The following CEP112 variants were observed in gnomAD, a reference collection of about 807,000 sequenced individuals.
The protein encoded by CEP112 is centrosomal protein 112.
Under a neutral mutation model 153.0 loss-of-function variants are expected in CEP112, and 127 were observed. The observed-to-expected ratio is 0.83, with a 90% CI of 0.72 to 0.96. The LOEUF is 0.96. Among genes scored for constraint, CEP112 ranks in the 40% least tolerant of loss-of-function variants. CEP112 has a pLI of 0.00. For synonymous variants in CEP112, 358 were observed against 374.4 expected (o/e 0.96, Z 0.51); for missense variants, 1,089 against 1,101.2 (o/e 0.99, Z 0.16).
At chr17:66,029,093 A>C (rs1411748588) in intron 14 of CEP112, 30 bp downstream of exon 14, 1 of 1,532,484 alleles carries the variant, frequency 6.5e-7, no homozygotes. Flanking sequence ...TAAATACTTC[A>C]TGTGGATTAT....
intron 24 of CEP112, among the ~76,000 whole-genome samples, chr17:65,643,261 G>A (rs1453698760): frequency 6.6e-6 from 1 of 152,014 alleles, no homozygotes; most frequent in Non-Finnish European, 1.5e-5. Flanking sequence ...AAGTACTGCT[G>A]CACGCCCTGG....
chr17:66,073,162 T>C (rs1174492319), intron 8 of CEP112, among the ~76,000 whole-genome samples: 2 of 152,184 alleles, frequency 1.3e-5, no homozygotes, highest in Non-Finnish European at 2.9e-5. Flanking sequence ...TGAAGCAGGG[T>C]ACCACACTAA....
chr17:66,137,539 C>G (rs938365424), intron 4 of CEP112, among the ~76,000 whole-genome samples: 3 of 151,782 alleles, frequency 2.0e-5, no homozygotes, highest in Non-Finnish European at 4.4e-5. Context: ...TGCCAAAAGT[C>G]AAAGACAAAG....
At chr17:65,957,579 C>A (rs1016394585) in intron 18 of CEP112, among the ~76,000 whole-genome samples, 1 of 151,834 alleles carries the variant, frequency 6.6e-6, no homozygotes, top group Non-Finnish European at 1.5e-5. Context: ...TTTGTGTTAA[C>A]TTTATTTTAG....
At chr17:65,788,859 T>A (rs2054428217) in intron 21 of CEP112, among the ~76,000 whole-genome samples, 1 of 152,208 alleles carries the variant, frequency 6.6e-6, no homozygotes, top group South Asian at 2.1e-4. Context: ...AATTAAAACC[T>A]CTAACTCCTA....
intron 24 of CEP112, among the ~76,000 whole-genome samples, chr17:65,647,953 A>G (rs1473546606): frequency 6.6e-6 from 1 of 152,202 alleles, no homozygotes; most frequent in South Asian, 2.1e-4. Context: ...AGTGGAGTTA[A>G]GCAATGGGTT....
At chr17:65,743,444 C>T (rs955723694) in intron 22 of CEP112, among the ~76,000 whole-genome samples, 30 of 152,140 alleles carry the variant, frequency 2.0e-4, no homozygotes, top group African/African-American at 7.2e-4. Context: ...ACTTGGAAGA[C>T]GTTTCCACTC....
chr17:66,063,389 C>T (rs1228201521), intron 10 of CEP112, among the ~76,000 whole-genome samples: 1 of 152,002 alleles, frequency 6.6e-6, no homozygotes, highest in East Asian at 1.9e-4. Flanking sequence ...AGTGAAGTAA[C>T]TCAGGAATGG....
chr17:66,126,050 G>A (rs2069835185), intron 6 of CEP112, among the ~76,000 whole-genome samples: 2 of 152,174 alleles, frequency 1.3e-5, no homozygotes, highest in African/African-American at 4.8e-5. Flanking sequence ...CTATAAGGTA[G>A]ATAAAGGGAT....
intron 17 of CEP112, among the ~76,000 whole-genome samples, chr17:65,979,159 C>T (rs889471269): frequency 1.3e-5 from 2 of 151,722 alleles, no homozygotes; most frequent in East Asian, 1.9e-4. Flanking sequence ...CCCACCCCCA[C>T]CATTGATACT....
chr17:66,124,669 C>T (rs2146483074), intron 6 of CEP112, among the ~76,000 whole-genome samples: 1 of 152,236 alleles, frequency 6.6e-6, no homozygotes, highest in East Asian at 1.9e-4. Context: ...CTACACAATC[C>T]CTCAATTTGG....
chr17:66,090,299 T>A (rs1466952398), intron 8 of CEP112, among the ~76,000 whole-genome samples: 1 of 152,000 alleles, frequency 6.6e-6, no homozygotes, highest in African/African-American at 2.4e-5. Flanking sequence ...TCTAATAATA[T>A]AATGTTGTGG....
At chr17:65,729,022 C>T (rs1379330103) in intron 23 of CEP112, among the ~76,000 whole-genome samples, 1 of 152,078 alleles carries the variant, frequency 6.6e-6, no homozygotes, top group Non-Finnish European at 1.5e-5. Flanking sequence ...AATAACATAG[C>T]TTAAAACAGA....
intron 21 of CEP112, among the ~76,000 whole-genome samples, chr17:65,806,799 CAATT>C (rs1338629001): frequency 1.3e-5 from 2 of 152,182 alleles, no homozygotes; most frequent in Non-Finnish European, 2.9e-5. Context: ...AACTGTGAGT[CAATT>C]AAACCTCTTT....
intron 19 of CEP112, chr17:65,913,693 C>T: frequency 2.0e-6 from 2 of 985,454 alleles, no homozygotes; most frequent in Non-Finnish European, 2.4e-6. Flanking sequence ...CCAGCATACA[C>T]TGCTTCTTTA....
At chr17:65,659,517 C>G (rs1324101194) in intron 24 of CEP112, among the ~76,000 whole-genome samples, 2 of 152,206 alleles carry the variant, frequency 1.3e-5, no homozygotes, top group Non-Finnish European at 2.9e-5. Context: ...ACTTAGGCAG[C>G]TCGATGAACG....
chr17:65,660,341 T>C (rs2046301336), intron 24 of CEP112, among the ~76,000 whole-genome samples: 1 of 96,854 alleles, frequency 1.0e-5, no homozygotes, highest in Non-Finnish European at 2.0e-5. Flanking sequence ...TTTCTTTCTT[T>C]TTCTCTCTCG....
chr17:65,646,744 C>T (rs1296917477), intron 24 of CEP112, among the ~76,000 whole-genome samples: 1 of 152,174 alleles, frequency 6.6e-6, no homozygotes, highest in East Asian at 1.9e-4. Context: ...GAAGAGAATG[C>T]CAGAGACACG....
intron 19 of CEP112, among the ~76,000 whole-genome samples, chr17:65,920,213 C>T (rs898657296): frequency 1.3e-5 from 2 of 150,180 alleles, no homozygotes; most frequent in South Asian, 2.1e-4. Flanking sequence ...GGAGTGGTGG[C>T]GTACCACGTG....
Sources: gnomAD v4.1 joint callset for allele counts (sites outside exome capture counted in the v4.1 genomes callset) on GRCh38, gnomAD v4.1.1 for gene constraint, MANE v1.5 for transcripts, NCBI Gene and HGNC (gene_info 2026-07-23, HGNC 2026-07-21) for gene names.